The following SIPA1L3 variants were observed in gnomAD, a reference collection of about 807,000 sequenced individuals.
SIPA1L3 encodes signal induced proliferation associated 1 like 3.
Under a neutral mutation model 150.1 loss-of-function variants are expected in SIPA1L3, and 59 were observed. That is an observed-to-expected ratio of 0.39 (90% CI 0.32 to 0.49). SIPA1L3 has a LOEUF of 0.49. Among genes scored for constraint, SIPA1L3 ranks in the 20% least tolerant of loss-of-function variants. SIPA1L3 has a pLI of 0.86. For missense variants in SIPA1L3, 2,211 were observed against 2,489.5 expected, an observed-to-expected ratio of 0.89 and a Z score of 2.38; for synonymous variants, 1,070 against 1,077.6, an observed-to-expected ratio of 0.99 and a Z score of 0.14.
At chr19:38,132,840 G>T (rs935728167) in intron 10 of SIPA1L3, among the ~76,000 whole-genome samples, 29 of 151,992 alleles carry the variant, frequency 1.9e-4, no homozygotes, top group Non-Finnish European at 3.7e-4. Flanking sequence ...TAGAGCTGGG[G>T]TTTCACCATG....
At chr19:38,024,225 C>T (rs780497705) in intron 1 of SIPA1L3, among the ~76,000 whole-genome samples, 11 of 152,092 alleles carry the variant, frequency 7.2e-5, no homozygotes. Context: ...TCACCTGGAG[C>T]CATGGTGATA....
At chr19:37,980,013 C>T (rs833895) in intron 1 of SIPA1L3, among the ~76,000 whole-genome samples, 43,581 of 152,104 alleles carry the variant, frequency 0.29, 7,623 homozygotes, top group East Asian at 0.61. Flanking sequence ...ATCCACAGGC[C>T]GGTGGGTGGG....
chr19:38,148,258 G>A (rs1971742902), intron 12 of SIPA1L3, among the ~76,000 whole-genome samples: 1 of 151,726 alleles, frequency 6.6e-6, no homozygotes, highest in Admixed American at 6.6e-5. Flanking sequence ...GGCTGAGGCA[G>A]GAGAATCACT....
At chr19:38,042,310 TTC>T (rs141711801) in intron 2 of SIPA1L3, among the ~76,000 whole-genome samples, 593 of 152,358 alleles carry the variant, frequency 3.9e-3, no homozygotes, top group African/African-American at 0.014. Flanking sequence ...GGCTATTTTA[TTC>T]TGTTTTTATG....
intron 12 of SIPA1L3, among the ~76,000 whole-genome samples, chr19:38,145,149 T>C (rs1434459204): frequency 6.6e-6 from 1 of 152,036 alleles, no homozygotes; most frequent in African/African-American, 2.4e-5. Context: ...GTTGTTGTTG[T>C]TGTTTTCTCC....
At chr19:37,922,846 C>T (rs550671632) in intron 1 of SIPA1L3, among the ~76,000 whole-genome samples, 4 of 150,628 alleles carry the variant, frequency 2.7e-5, no homozygotes, top group Non-Finnish European at 5.9e-5. Flanking sequence ...AAGTAAAACA[C>T]GGCTGGGCAC....
chr19:37,960,242 C>T (rs1337444243), intron 1 of SIPA1L3, among the ~76,000 whole-genome samples: 2 of 151,928 alleles, frequency 1.3e-5, no homozygotes, highest in Non-Finnish European at 1.5e-5. Flanking sequence ...CTGGGAATGC[C>T]TTTATTTTGC....
chr19:38,180,693 G>A (rs900244084), intron 15 of SIPA1L3, among the ~76,000 whole-genome samples: 1 of 151,700 alleles, frequency 6.6e-6, no homozygotes, highest in African/African-American at 2.4e-5. Context: ...ATATGGATGC[G>A]CCACCACACC....
intron 1 of SIPA1L3, among the ~76,000 whole-genome samples, chr19:37,995,323 A>G (rs1160623344): frequency 2.0e-5 from 3 of 152,166 alleles, no homozygotes; most frequent in Non-Finnish European, 4.4e-5. Flanking sequence ...CACCCTTGCT[A>G]TAGATGAGAG....
chr19:37,984,387 A>G (rs950043475), intron 1 of SIPA1L3, among the ~76,000 whole-genome samples: 2 of 152,180 alleles, frequency 1.3e-5, no homozygotes, highest in Non-Finnish European at 2.9e-5. Context: ...CAATATTAGA[A>G]CTAATGCTAA....
chr19:37,948,711 A>G (rs1225181942), intron 1 of SIPA1L3, among the ~76,000 whole-genome samples: 1 of 152,146 alleles, frequency 6.6e-6, no homozygotes, highest in Non-Finnish European at 1.5e-5. Flanking sequence ...GACATTCTAG[A>G]AGGCAGGTGG....
intron 1 of SIPA1L3, among the ~76,000 whole-genome samples, chr19:38,007,336 C>T (rs761192239): frequency 6.6e-6 from 1 of 151,750 alleles, no homozygotes; most frequent in Non-Finnish European, 1.5e-5. Context: ...ACCTGTAATC[C>T]CAGCTACTCT....
At chr19:38,138,546 C>T (rs1971488474) in intron 10 of SIPA1L3, among the ~76,000 whole-genome samples, 1 of 29,426 alleles carries the variant, frequency 3.4e-5, no homozygotes, top group African/African-American at 4.1e-4. Flanking sequence ...TTTACCTTTC[C>T]ATGTTTGCTG....
intron 2 of SIPA1L3, among the ~76,000 whole-genome samples, chr19:38,038,265 G>C (rs1461204988): frequency 6.6e-6 from 1 of 152,126 alleles, no homozygotes; most frequent in African/African-American, 2.4e-5. Context: ...GACACACACA[G>C]ATGTCCACTG....
chr19:37,994,256 T>C (rs957260625), intron 1 of SIPA1L3, among the ~76,000 whole-genome samples: 5 of 152,134 alleles, frequency 3.3e-5, no homozygotes, highest in East Asian at 1.9e-4. Context: ...TATTTCTGCA[T>C]TGGGTGAGGC....
chr19:37,995,470 G>A (rs1176251325), intron 1 of SIPA1L3, among the ~76,000 whole-genome samples: 1 of 152,200 alleles, frequency 6.6e-6, no homozygotes, highest in African/African-American at 2.4e-5. Flanking sequence ...CCTTCCTGAG[G>A]GGGACACCCA....
At chr19:38,153,436 G>A (rs567844662) in intron 13 of SIPA1L3, among the ~76,000 whole-genome samples, 18 of 152,268 alleles carry the variant, frequency 1.2e-4, no homozygotes, top group African/African-American at 4.1e-4. Context: ...TTGAGAGGCC[G>A]AGGTGGGAGG....
At chr19:38,078,593 G>C (rs1969908212) in intron 2 of SIPA1L3, among the ~76,000 whole-genome samples, 2 of 105,060 alleles carry the variant, frequency 1.9e-5, no homozygotes, top group Non-Finnish European at 4.0e-5. Flanking sequence ...CACACACACA[G>C]ACACACACAC....
At chr19:38,198,140 C>A (rs1392348293) in intron 18 of SIPA1L3, among the ~76,000 whole-genome samples, 6 of 152,238 alleles carry the variant, frequency 3.9e-5, no homozygotes, top group Non-Finnish European at 1.5e-5. Flanking sequence ...GTTCCTCCCC[C>A]AGGTAATCCG....
Sources: allele counts gnomAD v4.1 joint callset (sites outside exome capture counted in the v4.1 genomes callset), GRCh38; gene constraint gnomAD v4.1.1; transcripts MANE v1.5; gene names NCBI Gene and HGNC (gene_info 2026-07-23, HGNC 2026-07-21).